The following GLIS3 variants were observed in gnomAD, a reference collection of about 807,000 sequenced individuals.
GLIS3 encodes GLIS family zinc finger 3, also known as zinc finger protein GLIS3.
Under a neutral mutation model 78.6 loss-of-function variants are expected in GLIS3, and 53 were observed. The ratio of observed to expected loss-of-function variants is 0.67; its 90% CI spans 0.54 to 0.85. The LOEUF is 0.85. GLIS3 is among the 40% of genes least tolerant of loss of function. The pLI is 0.00. For missense variants in GLIS3, 1,703 were observed against 1,231.1 expected, an observed-to-expected ratio of 1.38 and a Z score of -5.74; for synonymous variants, 684 against 509.9, an observed-to-expected ratio of 1.34 and a Z score of -4.60.
At chr9:4,350,794 G>A (rs1250919516), upstream of GLIS3, among the ~76,000 whole-genome samples, 24 of 151,856 alleles carry the variant, frequency 1.6e-4, no homozygotes, top group Admixed American at 1.6e-3. Context: ...ATCAGGGTTT[G>A]TTTTGTTTTG....
intron 4 of GLIS3, among the ~76,000 whole-genome samples, chr9:4,307,615 T>G (rs1007736502): frequency 2.6e-5 from 4 of 152,176 alleles, no homozygotes; most frequent in African/African-American, 9.6e-5. Context: ...AAAAAGGACT[T>G]AAGGCTGTGG....
At chr9:4,203,721 G>A (rs1404145765) in intron 2 of GLIS3, among the ~76,000 whole-genome samples, 1 of 152,134 alleles carries the variant, frequency 6.6e-6, no homozygotes, top group Non-Finnish European at 1.5e-5. Context: ...CCCCGTCAGT[G>A]GTGGATGGGA....
At chr9:4,209,744 G>T (rs1445908794) in intron 2 of GLIS3, among the ~76,000 whole-genome samples, 1 of 152,038 alleles carries the variant, frequency 6.6e-6, no homozygotes, top group Non-Finnish European at 1.5e-5. Context: ...TGTTGTGGGG[G>T]TTATTCTGTG....
intron 9 of GLIS3, among the ~76,000 whole-genome samples, chr9:3,832,294 A>G (rs911043369): frequency 1.3e-5 from 2 of 151,898 alleles, no homozygotes; most frequent in African/African-American, 2.4e-5. Context: ...GTATTTCTTA[A>G]AAATAAAAGT....
the GLIS3 span, among the ~76,000 whole-genome samples, chr9:4,422,480 C>T: frequency 2.0e-5 from 3 of 152,158 alleles, no homozygotes; most frequent in African/African-American, 7.2e-5. Flanking sequence ...AGTGGGCTAC[C>T]CCCAGGAGTC....
chr9:3,851,803 A>G (rs1453570011), intron 9 of GLIS3, among the ~76,000 whole-genome samples: 1 of 152,224 alleles, frequency 6.6e-6, no homozygotes, highest in African/African-American at 2.4e-5. Context: ...ATAAATGTAT[A>G]TTTATTTTAG....
At chr9:4,211,179 A>C (rs1820342075) in intron 2 of GLIS3, among the ~76,000 whole-genome samples, 1 of 152,242 alleles carries the variant, frequency 6.6e-6, no homozygotes, top group South Asian at 2.1e-4. Context: ...TTGCTGGACT[A>C]TTCCAGATTG....
intron 2 of GLIS3, among the ~76,000 whole-genome samples, chr9:4,332,610 G>A (rs1474130660): frequency 6.6e-6 from 1 of 152,200 alleles, no homozygotes; most frequent in African/African-American, 2.4e-5. Flanking sequence ...GGCTCTGGAT[G>A]CCTTCTTAGG....
chr9:3,974,677 A>AT (rs200723493), intron 4 of GLIS3, among the ~76,000 whole-genome samples: 29 of 151,768 alleles, frequency 1.9e-4, no homozygotes, highest in African/African-American at 6.5e-4. Flanking sequence ...CAGCATTCAT[A>AT]TTTTTTTTTC....
intron 2 of GLIS3, among the ~76,000 whole-genome samples, chr9:4,131,703 C>T (rs117286370): frequency 0.09 from 13,732 of 152,070 alleles, 1,180 homozygotes; most frequent in African/African-American, 0.23. Flanking sequence ...ACCAATTAAA[C>T]CTCTTTTCTT....
intron 6 of GLIS3, among the ~76,000 whole-genome samples, chr9:3,911,073 G>A (rs574860436): frequency 4.6e-5 from 7 of 152,202 alleles, no homozygotes; most frequent in Admixed American, 3.3e-4. Context: ...ATAGTTAATA[G>A]CTTTTTAAAA....
chr9:4,290,195 T>C (rs1360025156), intron 1 of GLIS3, among the ~76,000 whole-genome samples: 1 of 152,182 alleles, frequency 6.6e-6, no homozygotes, highest in Non-Finnish European at 1.5e-5. Flanking sequence ...TAATTATTAA[T>C]TTTCATACAT....
intron 2 of GLIS3, among the ~76,000 whole-genome samples, chr9:4,160,443 T>C (rs1835385001): frequency 6.6e-6 from 1 of 152,234 alleles, no homozygotes; most frequent in African/African-American, 2.4e-5. Flanking sequence ...TGTCAGAAAG[T>C]ACATCTCCCG....
chr9:4,467,946 G>C, the GLIS3 span, among the ~76,000 whole-genome samples: 4 of 152,306 alleles, frequency 2.6e-5, no homozygotes, highest in South Asian at 8.3e-4. Context: ...GACCTTAAAT[G>C]ACCTGATGGA....
At chr9:3,969,480 T>C (rs1194941809) in intron 4 of GLIS3, among the ~76,000 whole-genome samples, 2 of 152,172 alleles carry the variant, frequency 1.3e-5, no homozygotes, top group Non-Finnish European at 2.9e-5. Context: ...ATCAGATACA[T>C]AGCCACTTGG....
intron 2 of GLIS3, among the ~76,000 whole-genome samples, chr9:4,136,989 G>A (rs1271961843): frequency 1.3e-5 from 2 of 152,158 alleles, no homozygotes; most frequent in Non-Finnish European, 2.9e-5. Flanking sequence ...ATAGGTAGTG[G>A]CGCATCCCAT....
intron 7 of GLIS3, chr9:3,898,387 T>A: frequency 2.5e-6 from 1 of 405,526 alleles, no homozygotes; most frequent in Admixed American, 3.6e-5. Context: ...AACATTTCCT[T>A]CGAGTCTAAA....
intron 4 of GLIS3, among the ~76,000 whole-genome samples, chr9:4,005,107 C>T (rs544763687): frequency 2.0e-5 from 3 of 152,294 alleles, no homozygotes; most frequent in South Asian, 2.1e-4. Flanking sequence ...CACTTTCCCA[C>T]ATTTGTGTCA....
At chr9:4,376,861 G>C in the GLIS3 span, among the ~76,000 whole-genome samples, 1 of 135,146 alleles carries the variant, frequency 7.4e-6, no homozygotes, top group Non-Finnish European at 1.7e-5. Context: ...AGGTGACTTT[G>C]CAATATGCAT....
Sources: allele counts gnomAD v4.1 joint callset (sites outside exome capture counted in the v4.1 genomes callset), GRCh38; gene constraint gnomAD v4.1.1; transcripts MANE v1.5; gene names NCBI Gene and HGNC (gene_info 2026-07-23, HGNC 2026-07-21).